SYNE1: variants seen among roughly 807,000 people sequenced by gnomAD.
The protein encoded by SYNE1 is spectrin repeat containing nuclear envelope protein 1, also known as nesprin-1.
Under a neutral mutation model 1,111.0 loss-of-function variants are expected in SYNE1, and 616 were observed. That is an observed-to-expected ratio of 0.55 (90% CI 0.52 to 0.59). The LOEUF (loss-of-function observed/expected upper bound fraction) is 0.59. Ranked by LOEUF, SYNE1 falls within the 20% of genes least tolerant of loss-of-function variation. The probability of loss-of-function intolerance (pLI) is 0.00; values close to 1 mark genes in which losing one functional copy is unlikely to be tolerated. For missense variants in SYNE1, 10,006 were observed against 10,417.0 expected (o/e 0.96, Z 1.72); for synonymous variants, 3,855 against 3,825.8 (o/e 1.01, Z -0.28).
rs755434048 is a variant in SYNE1 at position 152,450,748 on chromosome 6, C to A, written c.3272G>T (p.Arg1091Leu). Residue 1091 changes from arginine to leucine, a missense_variant, in exon 27 of 146, where the codon CGG (arginine) becomes CTG (leucine). Coordinates refer to ENST00000367255, the MANE Select transcript of SYNE1 (RefSeq NM_182961.4). ...IEELCVKLPV[R>L]DPVRDTPGTC... ...TCCAGGTGTGTCCCTTACTGGGTCC[C>A]GCACTGGGAGTTTCACACAGAGTTC... 9 of 1,613,952 alleles carry A rather than the reference C, an allele frequency of 5.6e-6. No individual in the cohort carries two copies. In the Admixed American group the frequency reaches 1.0e-4, roughly 18 times the overall value.
chr6:152,164,067 C>A, intron 131 of SYNE1, 96 bp downstream of exon 131: 2 of 1,540,084 alleles, frequency 1.3e-6, no homozygotes, highest in Non-Finnish European at 1.8e-6. Flanking sequence ...TGCTGACCTT[C>A]CATCTCCAGG....
intron 80 of SYNE1, 97 bp from the exon 81 acceptor site, chr6:152,325,399 G>A: frequency 8.5e-7 from 1 of 1,180,836 alleles, no homozygotes; most frequent in Non-Finnish European, 1.3e-6. Flanking sequence ...CAAAATTCCT[G>A]CAAAAGGAAA....
intron 3 of SYNE1, among the ~76,000 whole-genome samples, chr6:152,576,059 A>T (rs2099495297): frequency 6.6e-6 from 1 of 152,248 alleles, no homozygotes; most frequent in African/African-American, 2.4e-5. Context: ...GTAGCAATTC[A>T]GTCAGCTATT....
chr6:152,491,528 C>T (rs547223298), intron 11 of SYNE1, among the ~76,000 whole-genome samples: 1 of 152,306 alleles, frequency 6.6e-6, no homozygotes, highest in East Asian at 1.9e-4. Context: ...GACCTAAAAC[C>T]TTACTGCCTT....
chr6:152,231,341 G>C, intron 114 of SYNE1, 50 bp downstream of exon 114: 1 of 1,602,994 alleles, frequency 6.2e-7, no homozygotes, highest in Non-Finnish European at 8.5e-7. Context: ...GAGTGTGCCT[G>C]TTCTTGGGGT....
chr6:152,498,646 TACATAA>T, intron 11 of SYNE1, 90 bp downstream of exon 11: 1 of 779,624 alleles, frequency 1.3e-6, no homozygotes. Context: ...GAGAAATGTA[TACATAA>T]AGACAAAAAC....
In SYNE1 at chr6:152,122,624, A is replaced by C. The variant is rs886044316; in HGVS notation, c.26206T>G (p.Ser8736Ala). Reference sequence around the variant, plus strand: ...ACTCTGAACAGGAAGCCGCGGCCGGACCGACCTGGCCCTGGCTCAGAAAGG... The same window carrying C: ...ACTCTGAACAGGAAGCCGCGGCCGGCCCGACCTGGCCCTGGCTCAGAAAGG... ...SSLSEPGPGR[S>A]GRGFLFRVLR... is the part of the protein sequence containing the mutation. Residue 8736 changes from serine (S) to alanine (A), a missense_variant, in exon 146 of 146, where the codon TCC (serine) becomes GCC (alanine). Physicochemically the swap from Ser to Ala is moderately conservative, Grantham distance 99. Transcript: ENST00000367255. 7.4e-6 allele frequency: 12 copies of C among 1,613,998 alleles called. No individual in the cohort carries two copies. The highest frequency in any genetic ancestry group is 1.3e-5 in the African/African-American group (1 of 74,918).
chr6:152,624,738 A>G (rs2099682503), intron 3 of SYNE1, among the ~76,000 whole-genome samples: 1 of 152,208 alleles, frequency 6.6e-6, no homozygotes, highest in Non-Finnish European at 1.5e-5. Context: ...AGCCTAAAAC[A>G]TTATGCTCAA....
intron 93 of SYNE1, among the ~76,000 whole-genome samples, chr6:152,297,810 TGTGTGTGTGTGTGC>T (rs745469343): frequency 5.4e-4 from 56 of 103,140 alleles, no homozygotes; most frequent in African/African-American, 1.4e-3. Flanking sequence ...TGTGTGTGTG[TGTGTGTGTGTGTGC>T]GCGCGCACGT....
At chr6:152,568,868 CA>C (rs1468744394) in intron 3 of SYNE1, among the ~76,000 whole-genome samples, 1 of 152,088 alleles carries the variant, frequency 6.6e-6, no homozygotes, top group African/African-American at 2.4e-5. Flanking sequence ...GTCTTTAAAA[CA>C]TATGAAATAA....
At chr6:152,534,202 GAATA>G (rs140881032) in intron 4 of SYNE1, among the ~76,000 whole-genome samples, 28,314 of 145,292 alleles carry the variant, frequency 0.19, 2,864 homozygotes, top group Middle Eastern at 0.32. Context: ...ATGAATGAAT[GAATA>G]AATAAATAAA....
chr6:152,152,187 C>A, intron 133 of SYNE1, 46 bp from the exon 134 acceptor site: 2 of 1,559,170 alleles, frequency 1.3e-6, no homozygotes, highest in Non-Finnish European at 1.8e-6. Flanking sequence ...CAGCGAAGGA[C>A]TCTCAGTAGT....
At chr6:152,380,913 T>G in intron 56 of SYNE1, 93 bp downstream of exon 56, 1 of 1,276,138 alleles carries the variant, frequency 7.8e-7, no homozygotes, top group Non-Finnish European at 1.1e-6. Flanking sequence ...TGTTGCGTGT[T>G]TTTAGTTAGC....
Position 152,463,335 on chromosome 6 carries a change from T to C in SYNE1, c.2097+18A>G, listed in dbSNP as rs754379749. 5 of 1,613,598 alleles carry C rather than the reference T, an allele frequency of 3.1e-6. No individual in the cohort carries two copies. Among genetic ancestry groups the C allele is most frequent in the Admixed American group, 1.7e-5 (1 of 59,976 alleles). On this transcript the variant is annotated intron_variant, in intron 19 of 145. Coordinates refer to ENST00000367255, the MANE Select transcript of SYNE1 (RefSeq NM_182961.4). ...TAACACATACACGTTGAGGTGTATA[T>C]AGACTTGAAAGACATACTTGCTTGA...
intron 135 of SYNE1, among the ~76,000 whole-genome samples, chr6:152,150,377 T>C (rs1294175167): frequency 2.0e-5 from 3 of 152,216 alleles, no homozygotes; most frequent in African/African-American, 2.4e-5. Flanking sequence ...ATTTCCATCA[T>C]CCTGCCAGGG....
At chr6:152,130,042 G>C (rs756928829) in intron 145 of SYNE1, among the ~76,000 whole-genome samples, 3 of 152,158 alleles carry the variant, frequency 2.0e-5, no homozygotes, top group African/African-American at 7.2e-5. Context: ...GGCAGGAAGC[G>C]CGGAGTGGCA....
At chr6:152,523,330 T>C (rs2099149192) in intron 5 of SYNE1, among the ~76,000 whole-genome samples, 1 of 152,140 alleles carries the variant, frequency 6.6e-6, no homozygotes, top group South Asian at 2.1e-4. Flanking sequence ...TCAATCTACA[T>C]TTTTGAATGC....
At chr6:152,526,962 T>A (rs914604797) in intron 4 of SYNE1, among the ~76,000 whole-genome samples, 1 of 152,166 alleles carries the variant, frequency 6.6e-6, no homozygotes, top group Non-Finnish European at 1.5e-5. Context: ...TTAGGGTCTA[T>A]CTTGGCTCAG....
At position 152,202,098 on chromosome 6, in the gene SYNE1, G is replaced by C; in HGVS notation, c.23020-149C>G. The C allele has an allele frequency of 2.8e-6, 3 of 1,071,400 alleles. No homozygotes were observed. In the South Asian group the frequency reaches 4.4e-5, roughly 16 times the overall value. 66.4% of individuals were successfully genotyped at this position (1,071,400 alleles called of 1,614,324 possible). On this transcript the variant is annotated intron_variant, in intron 126 of 145. Transcript: ENST00000367255. ...GTGGTGGCTCACGCGTGTAATCCCA[G>C]CACTTTGGGAGGCCGAGGCGGGTGG...
Sources: allele counts gnomAD v4.1 joint callset (sites outside exome capture counted in the v4.1 genomes callset), GRCh38; gene constraint gnomAD v4.1.1; transcripts MANE v1.5; gene names NCBI Gene and HGNC (gene_info 2026-07-23, HGNC 2026-07-21).